The following FAT2 variants were observed in gnomAD, a reference collection of about 807,000 sequenced individuals.
The protein encoded by FAT2 is FAT atypical cadherin 2.
A neutral mutation model predicts 295.3 loss-of-function variants in FAT2; 150 were observed. The observed-to-expected ratio is 0.51, with a 90% CI of 0.44 to 0.58. The LOEUF (loss-of-function observed/expected upper bound fraction) is 0.58, where lower values mean the gene tolerates loss of function less well. Ranked by LOEUF, FAT2 falls within the 20% of genes least tolerant of loss-of-function variation. The probability of loss-of-function intolerance (pLI) is 0.00; values close to 1 mark genes in which losing one functional copy is unlikely to be tolerated. For missense variants in FAT2, 4,868 were observed against 5,442.7 expected, an observed-to-expected ratio of 0.89 and a Z score of 3.32; for synonymous variants, 2,026 against 2,150.3, an observed-to-expected ratio of 0.94 and a Z score of 1.60.
intron 11 of FAT2, among the ~76,000 whole-genome samples, chr5:151,540,350 C>T (rs1294528936): frequency 1.3e-5 from 2 of 151,900 alleles, no homozygotes; most frequent in East Asian, 1.9e-4. Context: ...CCTCCTTTCT[C>T]CTGCCCCTCA....
intron 1 of FAT2, among the ~76,000 whole-genome samples, chr5:151,572,678 C>G (rs754922501): frequency 6.6e-6 from 1 of 152,190 alleles, no homozygotes; most frequent in Non-Finnish European, 1.5e-5. Flanking sequence ...CAGCACAGTG[C>G]CTGGTATGTA....
chr5:151,544,219 C>T lies in FAT2; in HGVS notation c.6908G>A (p.Arg2303Gln), dbSNP rs200235163. 9.0e-5 allele frequency: 145 copies of T among 1,614,052 alleles called. No individual in the cohort carries two copies. Among genetic ancestry groups the T allele is most frequent in the South Asian group, 2.1e-4 (19 of 91,074 alleles). Residue 2303 changes from arginine to glutamine, a missense_variant, in exon 10 of 24, where the codon CGG becomes CAG. Coordinates refer to ENST00000261800, the MANE Select transcript of FAT2 (RefSeq NM_001447.3). Reference protein sequence around the residue: ...QLLASDQDSGRNRDVSYQIVE... With the variant: ...QLLASDQDSGQNRDVSYQIVE... ...AATCTGATAAGAGACGTCACGGTTC[C>T]GCCCTGAGTCCTGGTCAGAAGCCAA... is the stretch of plus-strand genomic sequence containing the variant.
At chr5:151,511,932 T>A (rs1761353612) in intron 21 of FAT2, 2 of 558,646 alleles carry the variant, frequency 3.6e-6, no homozygotes, top group Non-Finnish European at 6.4e-6. Flanking sequence ...TCCCCATTCA[T>A]ATCCTCCCTC....
intron 9 of FAT2, 48 bp downstream of exon 9, chr5:151,549,247 T>A (rs1355442761): frequency 6.4e-6 from 10 of 1,565,944 alleles, no homozygotes; most frequent in Non-Finnish European, 8.7e-6. Context: ...TTCCTTTATT[T>A]CTAAAGCATC....
At chr5:151,528,516 C>T (rs903012122) in intron 15 of FAT2, among the ~76,000 whole-genome samples, 3 of 152,152 alleles carry the variant, frequency 2.0e-5, no homozygotes, top group African/African-American at 7.2e-5. Flanking sequence ...GAAAAGGACT[C>T]ATGAAGCCCT....
At chr5:151,555,969 G>A (rs780411456) in intron 4 of FAT2, among the ~76,000 whole-genome samples, 4 of 152,112 alleles carry the variant, frequency 2.6e-5, no homozygotes, top group Non-Finnish European at 5.9e-5. Flanking sequence ...GAAGACAAAG[G>A]TCTGGTTTTC....
chr5:151,570,220 A>C (rs1437253554), intron 1 of FAT2, among the ~76,000 whole-genome samples: 2 of 152,152 alleles, frequency 1.3e-5, no homozygotes, highest in Admixed American at 1.3e-4. Flanking sequence ...AGTCCTATTT[A>C]TACCTGTTTC....
At chr5:151,557,902 T>C (rs964043280) in intron 3 of FAT2, among the ~76,000 whole-genome samples, 2 of 152,106 alleles carry the variant, frequency 1.3e-5, no homozygotes, top group African/African-American at 4.8e-5. Context: ...TCCCTTCCCC[T>C]CCTATGGCCC....
chr5:151,512,202 G>T lies in FAT2; in HGVS notation c.11868C>A (p.Cys3956Ter), dbSNP rs1472131778. The change falls in exon 21 of 24, where the codon TGC becomes TGA. Residue 3956 changes from cysteine (C) to a stop codon, truncating the protein, a stop_gained. Transcript: ENST00000261800. LOFTEE classifies it high-confidence loss of function. The surrounding 1 kb of genome is among the most constrained non-coding windows in gnomAD (Gnocchi z 4.1). ...LHSDYCSQNT[C>*]LNGGKCSWTH... Reference sequence around the variant, plus strand: ...TCCATGAGCACTTCCCACCATTGAGGCATGTGTTCTGGCTGCAGTAGTCAC... The same window carrying T: ...TCCATGAGCACTTCCCACCATTGAGTCATGTGTTCTGGCTGCAGTAGTCAC... 2 of 1,614,160 alleles carry T rather than the reference G, an allele frequency of 1.2e-6. No homozygotes were observed. The highest frequency in any genetic ancestry group is 1.1e-5 in the South Asian group (1 of 91,084).
chr5:151,549,626 A>G (rs1449913659), intron 8 of FAT2, 121 bp from the exon 9 acceptor site: 16 of 719,164 alleles, frequency 2.2e-5, no homozygotes, highest in Admixed American at 7.6e-5. Flanking sequence ...CTAACTCCCC[A>G]TATTCTTTTA....
rs1268811972 is a variant in FAT2, at chr5:151,566,736, G to A, written c.2196C>T (p.Thr732=). The change falls in exon 2 of 24, where the codon ACC becomes ACT. Residue 732 remains threonine (T), a synonymous_variant. Transcript: ENST00000261800. ...IDVLESVPIN[T]PLARLAATDP... ...CAGTGGCTGCTAGGCGGGCCAAGGG[G>A]GTGTTGATAGGGACACTCTCAAGGA... 1 of 1,614,188 alleles carries A rather than the reference G, an allele frequency of 6.2e-7. No individual in the cohort carries two copies. The highest frequency in any genetic ancestry group is 8.5e-7 in the Non-Finnish European group (1 of 1,180,034).
intron 1 of FAT2, among the ~76,000 whole-genome samples, chr5:151,584,098 G>T (rs535921778): frequency 6.6e-6 from 1 of 150,964 alleles, no homozygotes; most frequent in African/African-American, 2.4e-5. Flanking sequence ...TAATAAAAGC[G>T]TTTGGACTAC....
chr5:151,529,172 C>T lies in FAT2; in HGVS notation c.10026+6G>A. 1.2e-6 allele frequency: 2 copies of T among 1,613,664 alleles called. No individual in the cohort carries two copies. Among genetic ancestry groups the T allele is most frequent in the Non-Finnish European group, 1.7e-6 (2 of 1,179,718 alleles). ...TCCCACAAAGAGCAAGGTGGCAGAT[C>T]CTTACCGTGAGGATGACGTCACCCA... On this transcript the variant is annotated splice_donor_region_variant and intron_variant, in intron 15 of 23. Coordinates refer to ENST00000261800, the MANE Select transcript of FAT2 (RefSeq NM_001447.3).
intron 20 of FAT2, among the ~76,000 whole-genome samples, chr5:151,516,376 C>T (rs183170395): frequency 4.6e-5 from 7 of 152,118 alleles, no homozygotes; most frequent in Non-Finnish European, 5.9e-5. Flanking sequence ...AATTAGTGAG[C>T]GTGGTTGCAC....
rs138705803 is a variant in FAT2 at position 151,507,351 on chromosome 5, C to T, written c.12320G>A (p.Ser4107Asn). ...GTTGAGGTTGTTGCAGGAGCTGGCACTCAATGGGTTGAGCTCGATGGCAGG... is the reference window on the plus strand; with the variant it reads ...GTTGAGGTTGTTGCAGGAGCTGGCATTCAATGGGTTGAGCTCGATGGCAGG... ...AMPAIELNPL[S>N]ASSCNNLNQP... Residue 4107 changes from serine to asparagine, a missense_variant, in exon 23 of 24, where the codon AGT becomes AAT. This residue lies in a region of FAT2 where 492 missense variants were observed against 482.6 expected (regional missense o/e 1.02). Coordinates refer to ENST00000261800, the MANE Select transcript of FAT2 (RefSeq NM_001447.3). 1.1e-4 allele frequency: 171 copies of T among 1,614,186 alleles called. No homozygotes were observed. The Middle Eastern group carries it at 1.3e-3, about 12-fold the overall frequency.
At position 151,505,493 on chromosome 5, in the gene FAT2, C is replaced by G. The variant is rs142049735; in HGVS notation, c.*72G>C. 2.2e-4 allele frequency: 346 copies of G among 1,579,942 alleles called. 2 individuals are homozygous for G. In the African/African-American group the frequency reaches 2.9e-3, roughly 13 times the overall value. On this transcript the variant is annotated 3_prime_UTR_variant, in exon 24 of 24. Coordinates refer to ENST00000261800, the MANE Select transcript of FAT2 (RefSeq NM_001447.3). Reference sequence around the variant, plus strand: ...TCTCCCAGCCACACTCAACTCACCCCCTACGAGACAGGAAGAAATAAGCCA... The same window carrying G: ...TCTCCCAGCCACACTCAACTCACCCGCTACGAGACAGGAAGAAATAAGCCA...
At position 151,551,484 on chromosome 5, in the gene FAT2, G is replaced by A. The variant is rs779294736; in HGVS notation, c.4279C>T (p.Arg1427Cys). Residue 1427 changes from arginine to cysteine, a missense_variant, in exon 7 of 24, where the codon CGC becomes TGC. This residue lies in a region of FAT2 where 3,297 missense variants were observed against 3,669.4 expected (regional missense o/e 0.90). Coordinates refer to ENST00000261800, the MANE Select transcript of FAT2 (RefSeq NM_001447.3). ...CCTCTAACCTGTGTGGCAATGGTGC[G>A]GGACCCATCTGTCACCTCAACAGTC... is the stretch of plus-strand genomic sequence containing the variant. ...NLTVEVTDGS[R>C]TIATQVHIFM... 38 of 1,614,010 alleles carry A rather than the reference G, an allele frequency of 2.4e-5. No homozygotes were observed. Among genetic ancestry groups the A allele is most frequent in the South Asian group, 6.6e-5 (6 of 91,078 alleles).
At position 151,546,092 on chromosome 5, in the gene FAT2, T is replaced by C. The variant is rs1290393489; in HGVS notation, c.5035A>G (p.Ile1679Val). The C allele has an allele frequency of 3.7e-6, 6 of 1,614,080 alleles. No homozygotes were observed. Among genetic ancestry groups the C allele is most frequent in the Non-Finnish European group, 5.1e-6 (6 of 1,179,996 alleles). Residue 1679 changes from isoleucine (I) to valine (V), a missense_variant, in exon 10 of 24, where the codon ATC (isoleucine) becomes GTC (valine). Ile to Val is a conservative substitution (Grantham distance 29). This residue lies in a region of FAT2 where 3,297 missense variants were observed against 3,669.4 expected (regional missense o/e 0.90). Coordinates refer to ENST00000261800, the MANE Select transcript of FAT2 (RefSeq NM_001447.3). Reference sequence around the variant, plus strand: ...GGGCTCATAGCAGAGACAAGGAGGATTGGGGAACCAACAGGGATTGATTCA... The same window carrying C: ...GGGCTCATAGCAGAGACAAGGAGGACTGGGGAACCAACAGGGATTGATTCA... Reference protein sequence around the residue: ...IPESIPVGSPILLVSAMSPSE... With the variant: ...IPESIPVGSPVLLVSAMSPSE...
chr5:151,551,698 C>T (rs1757227891), intron 6 of FAT2, 92 bp from the exon 7 acceptor site: 16 of 1,388,728 alleles, frequency 1.2e-5, no homozygotes, highest in Admixed American at 3.6e-5. Context: ...TCAGAGGACA[C>T]GGTGGTAAAT....
Sources: gnomAD v4.1 joint callset for allele counts (sites outside exome capture counted in the v4.1 genomes callset) on GRCh38, gnomAD v4.1.1 for gene constraint, gnomAD v4.1.1 regional missense constraint, Gnocchi (gnomAD v3.1) non-coding constraint, MANE v1.5 for transcripts, NCBI Gene and HGNC (gene_info 2026-07-23, HGNC 2026-07-21) for gene names.